Variants in CNIH3 observed in about 807,000 individuals in gnomAD.
CNIH3 encodes the protein cornichon family AMPA receptor auxiliary protein 3.
In CNIH3, 14 loss-of-function variants were observed where a neutral mutation model predicts 24.1. That is an observed-to-expected ratio of 0.58 (90% CI 0.38 to 0.91). The LOEUF (loss-of-function observed/expected upper bound fraction) is 0.91, where lower values mean the gene tolerates loss of function less well. Among genes scored for constraint, CNIH3 ranks in the 40% least tolerant of loss-of-function variants. The pLI is 0.00. For missense variants in CNIH3, 178 were observed against 196.8 expected (o/e 0.90, Z 0.57); for synonymous variants, 68 against 73.8 (o/e 0.92, Z 0.40).
intron 3 of CNIH3, among the ~76,000 whole-genome samples, chr1:224,691,597 C>T (rs1686936242): frequency 6.6e-6 from 1 of 152,236 alleles, no homozygotes; most frequent in Non-Finnish European, 1.5e-5. Flanking sequence ...GACTGCCAAC[C>T]ATCCTTTAGA....
intron 4 of CNIH3, among the ~76,000 whole-genome samples, chr1:224,576,088 G>A (rs1499291): frequency 0.23 from 34,261 of 152,100 alleles, 4,212 homozygotes; most frequent in Admixed American, 0.33. Context: ...CCTTATGGGA[G>A]AGGAAATCCA....
chr1:224,625,970 C>T (rs1347961755), intron 1 of CNIH3, among the ~76,000 whole-genome samples: 2 of 151,996 alleles, frequency 1.3e-5, no homozygotes, highest in Non-Finnish European at 2.9e-5. Context: ...TTGTGAAATA[C>T]ACCTTTCTTC....
intron 1 of CNIH3, among the ~76,000 whole-genome samples, chr1:224,646,231 G>A (rs1224641283): frequency 6.6e-6 from 1 of 152,166 alleles, no homozygotes; most frequent in African/African-American, 2.4e-5. Context: ...ACAGCATTTT[G>A]ACAGATGAAG....
intron 3 of CNIH3, among the ~76,000 whole-genome samples, chr1:224,713,644 AG>A (rs1304772107): frequency 6.6e-6 from 1 of 152,226 alleles, no homozygotes; most frequent in African/African-American, 2.4e-5. Context: ...AATAAACATT[AG>A]CCACTATTAT....
intron 1 of CNIH3, among the ~76,000 whole-genome samples, chr1:224,481,597 C>T (rs1676816571): frequency 6.6e-6 from 1 of 152,164 alleles, no homozygotes; most frequent in African/African-American, 2.4e-5. Context: ...CCCTTAAATT[C>T]TCCCAAAGAG....
rs1682329483 is a variant in CNIH3, at chr1:224,604,443, A to G, written n.402+38179A>G. Reference sequence around the variant, plus strand: ...AGAGATAATGCCTTTGCCAACAGTCAGAGGGAAGTGAGAAGCAGCTTCCTG... The same window carrying G: ...AGAGATAATGCCTTTGCCAACAGTCGGAGGGAAGTGAGAAGCAGCTTCCTG... On this transcript the variant is annotated intron_variant and non_coding_transcript_variant, in intron 3 of 7. Coordinates refer to the CNIH3 transcript ENST00000478120. The surrounding 1 kb of genome is among the most constrained non-coding windows in gnomAD (Gnocchi z 4.4). 6.6e-6 allele frequency among the ~76,000 whole-genome samples: 1 copy of G among 152,188 alleles called. No homozygotes were observed. The highest frequency in any genetic ancestry group is 1.9e-4 in the East Asian group (1 of 5,196).
rs117350371 is a variant in CNIH3, at chr1:224,702,943, C to A, written c.198+18100C>A. On this transcript the variant is annotated intron_variant, in intron 3 of 5. Coordinates refer to ENST00000272133, the MANE Select transcript of CNIH3 (RefSeq NM_152495.2). ...CTCTACCTTTACTGTCCTGGGCCTG[C>A]AGAAACACATTGGTTGTAAGGGCTA... is the stretch of plus-strand genomic sequence containing the variant. Among the ~76,000 whole-genome samples the A allele has an allele frequency of 4.8e-3, 730 of 152,288 alleles. 7 individuals carry two copies. The highest frequency in any genetic ancestry group is 0.029 in the East Asian group (149 of 5,174).
intron 3 of CNIH3, among the ~76,000 whole-genome samples, chr1:224,553,672 C>T (rs1680018686): frequency 6.6e-6 from 1 of 152,080 alleles, no homozygotes. Context: ...AACAGTTTGA[C>T]ATGCACCCTC....
In CNIH3 at chr1:224,502,560, G is replaced by A. The variant is rs532833613; in HGVS notation, n.204-13181G>A. On this transcript the variant is annotated intron_variant and non_coding_transcript_variant, in intron 1 of 5. Transcript: ENST00000471578. ...TCCTGGTCTAGGCACTCTTGCACCAGTGTAACCTGCAGCGTGGGGAGGTGG... is the reference window on the plus strand; with the variant it reads ...TCCTGGTCTAGGCACTCTTGCACCAATGTAACCTGCAGCGTGGGGAGGTGG... Among the ~76,000 whole-genome samples the A allele has an allele frequency of 5.3e-5, 8 of 152,332 alleles. No homozygotes were observed. The South Asian group carries it at 1.7e-3, about 32-fold the overall frequency.
chr1:224,611,177 A>G (rs1451728574), intron 3 of CNIH3, among the ~76,000 whole-genome samples: 1 of 152,148 alleles, frequency 6.6e-6, no homozygotes, highest in East Asian at 1.9e-4. Context: ...CTCTTCCCCA[A>G]AAGTTATGCC....
At chr1:224,456,662 C>T (rs190433575) in intron 1 of CNIH3, among the ~76,000 whole-genome samples, 4 of 152,326 alleles carry the variant, frequency 2.6e-5, no homozygotes, top group African/African-American at 9.6e-5. Flanking sequence ...CCTCCCACCT[C>T]GGCCTCCGAA....
intron 3 of CNIH3, among the ~76,000 whole-genome samples, chr1:224,729,908 G>A (rs967463513): frequency 1.3e-5 from 2 of 151,926 alleles, no homozygotes; most frequent in East Asian, 3.9e-4. Flanking sequence ...TGTTTTTCTC[G>A]CGTTCCTCTT....
chr1:224,579,319 C>A (rs1681173451), intron 4 of CNIH3, among the ~76,000 whole-genome samples: 1 of 152,156 alleles, frequency 6.6e-6, no homozygotes, highest in South Asian at 2.1e-4. Context: ...TGAGTCTCAG[C>A]CCATTGTATT....
chr1:224,500,950 AC>A (rs537814633), intron 1 of CNIH3, among the ~76,000 whole-genome samples: 40 of 152,304 alleles, frequency 2.6e-4, no homozygotes, highest in South Asian at 1.4e-3. Context: ...CACACCCTGC[AC>A]CATCACATCT....
chr1:224,651,185 C>A (rs560709345), intron 1 of CNIH3, among the ~76,000 whole-genome samples: 2 of 152,104 alleles, frequency 1.3e-5, no homozygotes, highest in South Asian at 4.2e-4. Context: ...TTGTAGTGAC[C>A]ATAGAGTTAG....
At chr1:224,607,760 G>A (rs1354593912) in intron 3 of CNIH3, among the ~76,000 whole-genome samples, 2 of 152,128 alleles carry the variant, frequency 1.3e-5, no homozygotes, top group Non-Finnish European at 2.9e-5. Context: ...TGAGCAAAAG[G>A]TGAGGGAGGT....
chr1:224,698,463 G>A (rs1032284386), intron 3 of CNIH3, among the ~76,000 whole-genome samples: 3 of 152,202 alleles, frequency 2.0e-5, no homozygotes, highest in Non-Finnish European at 4.4e-5. Flanking sequence ...TGCCACTGGT[G>A]TCCTGGTGGG....
intron 1 of CNIH3, among the ~76,000 whole-genome samples, chr1:224,481,217 G>T (rs558447545): frequency 6.6e-6 from 1 of 152,320 alleles, no homozygotes; most frequent in Admixed American, 6.5e-5. Flanking sequence ...GGAAAGACCT[G>T]CCCCTATGAT....
chr1:224,687,587 A>G (rs1407356998), intron 3 of CNIH3, among the ~76,000 whole-genome samples: 1 of 152,082 alleles, frequency 6.6e-6, no homozygotes, highest in Non-Finnish European at 1.5e-5. Context: ...CTCTTGCCCT[A>G]AGCACATCTA....
Sources: allele counts gnomAD v4.1 joint callset (sites outside exome capture counted in the v4.1 genomes callset), GRCh38; gene constraint gnomAD v4.1.1; non-coding constraint Gnocchi (gnomAD v3.1); transcripts MANE v1.5; gene names NCBI Gene and HGNC (gene_info 2026-07-23, HGNC 2026-07-21).